Variants in ZNF282 observed in about 807,000 individuals in gnomAD.
The protein encoded by ZNF282 is HTLV-I U5 repressive element-binding protein 1.
In ZNF282, 30 loss-of-function variants were observed where a neutral mutation model predicts 61.9. The ratio of observed to expected loss-of-function variants is 0.48; its 90% CI spans 0.36 to 0.66. The LOEUF (loss-of-function observed/expected upper bound fraction) is 0.66. Among genes scored for constraint, ZNF282 ranks in the 30% least tolerant of loss-of-function variants. ZNF282 has a pLI of 0.00. For synonymous variants in ZNF282, 396 were observed against 405.0 expected, an observed-to-expected ratio of 0.98 and a Z score of 0.27; for missense variants, 788 against 941.4, an observed-to-expected ratio of 0.84 and a Z score of 2.13.
Position 149,224,515 on chromosome 7 carries a change from C to T in ZNF282, c.1884C>T (p.Arg628=). 1 of 1,611,610 alleles carries T rather than the reference C, an allele frequency of 6.2e-7. No homozygotes were observed. The highest frequency in any genetic ancestry group is 8.5e-7 in the Non-Finnish European group (1 of 1,179,572). The stretch of plus-strand genomic sequence containing the variant: ...ACCAGCGCATCCACACGGGCGAGCG[C>T]CCCTACACGTGCGGCGAGTGCGGCA... The part of the protein sequence containing the change: ...LKHQRIHTGE[R]PYTCGECGKS... The change falls in exon 8 of 8, where the codon CGC becomes CGT. Residue 628 remains arginine (R), a synonymous_variant. Transcript: ENST00000610704.
chr7:149,217,983 C>G (rs1031619538), intron 7 of ZNF282, among the ~76,000 whole-genome samples: 8 of 151,842 alleles, frequency 5.3e-5, no homozygotes, highest in African/African-American at 1.7e-4. Flanking sequence ...TGGCGGGCAC[C>G]TGTAATCCCA....
In ZNF282 at chr7:149,198,530, C is replaced by A. The variant is rs1413177136; in HGVS notation, c.363C>A (p.Asn121Lys). Reference sequence around the variant, plus strand: ...ATGCCCAGGCCAGCCAGCTGCTGAACCTGGAGGGGCGCACGGGGACAGCCG... The same window carrying A: ...ATGCCCAGGCCAGCCAGCTGCTGAAACTGGAGGGGCGCACGGGGACAGCCG... ...KVDAQASQLL[N>K]LEGRTGTAEK... The change falls in exon 2 of 8, where the codon AAC becomes AAA. Residue 121 changes from asparagine to lysine, a missense_variant. This residue lies in a region of ZNF282 where 92 missense variants were observed against 163.9 expected (regional missense o/e 0.56). Coordinates refer to ENST00000610704, the MANE Select transcript of ZNF282 (RefSeq NM_003575.4). The surrounding 1 kb of genome is among the most constrained non-coding windows in gnomAD (Gnocchi z 4.3). 4 of 1,614,076 alleles carry A rather than the reference C, an allele frequency of 2.5e-6. No homozygotes were observed. The highest frequency in any genetic ancestry group is 3.4e-6 in the Non-Finnish European group (4 of 1,180,048).
intron 7 of ZNF282, among the ~76,000 whole-genome samples, chr7:149,222,604 T>G (rs1272980552): frequency 6.6e-6 from 1 of 152,190 alleles, no homozygotes; most frequent in East Asian, 1.9e-4. Context: ...CTGGGCAACA[T>G]AGTGAGACCC....
At position 149,216,716 on chromosome 7, in the gene ZNF282, G is replaced by A. The variant is rs150604167; in HGVS notation, c.1180+2902G>A. Among the ~76,000 whole-genome samples, 387 of 152,278 alleles carry A rather than the reference G, an allele frequency of 2.5e-3. 2 individuals are homozygous for A. Among genetic ancestry groups the A allele is most frequent in the African/African-American group, 8.9e-3 (371 of 41,548 alleles). On this transcript the variant is annotated intron_variant, in intron 7 of 7. Transcript: ENST00000610704. ...AAGGGGATGGAGGGGAGAAGAGTCA[G>A]GGTAGAGAACACAGTGCAGACACGG...
chr7:149,202,867 C>G (rs1010823902), intron 2 of ZNF282, among the ~76,000 whole-genome samples: 1 of 152,080 alleles, frequency 6.6e-6, no homozygotes, highest in South Asian at 2.1e-4. Context: ...GGAATGGTAC[C>G]TGGCTTAGAC....
In ZNF282 at chr7:149,213,717, A is replaced by C. The variant is rs1796120144; in HGVS notation, c.1083A>C (p.Ala361=). 5 of 1,613,124 alleles carry C rather than the reference A, an allele frequency of 3.1e-6. No homozygotes were observed. The highest frequency in any genetic ancestry group is 4.2e-6 in the Non-Finnish European group (5 of 1,179,296). Residue 361 remains alanine (A), a synonymous_variant, in exon 7 of 8, where the codon GCA becomes GCC. Transcript: ENST00000610704. The part of the protein sequence containing the change: ...TDPNSESLIS[A]HDILSWIKQE... ...TGACAACAGAGTCTCTCATCTCAGCACATGACATTTTGTCATGGATCAAGC... is the reference window on the plus strand; with the variant it reads ...TGACAACAGAGTCTCTCATCTCAGCCCATGACATTTTGTCATGGATCAAGC...
chr7:149,195,687 C>G lies in ZNF282; in HGVS notation c.98C>G (p.Pro33Arg), dbSNP rs771113099. 2 of 1,576,708 alleles carry G rather than the reference C, an allele frequency of 1.3e-6. No individual in the cohort carries two copies. Among genetic ancestry groups the G allele is most frequent in the Non-Finnish European group, 1.7e-6 (2 of 1,163,330 alleles). The change falls in exon 1 of 8, where the codon CCG (proline) becomes CGG (arginine). Residue 33 changes from proline (P) to arginine (R), a missense_variant. Around this residue, in one of 3 missense-constraint regions of ZNF282, gnomAD observed 137 missense variants for 135.4 expected, o/e 1.01. Transcript: ENST00000610704. Reference protein sequence around the residue: ...GSWSWAQALPPEEVCHQEPAL... With the variant: ...GSWSWAQALPREEVCHQEPAL... ...TGGAGCTGGGCCCAGGCTCTGCCCCCGGAGGAGGTCTGCCACCAGGAGCCG... is the reference window on the plus strand; with the variant it reads ...TGGAGCTGGGCCCAGGCTCTGCCCCGGGAGGAGGTCTGCCACCAGGAGCCG...
At chr7:149,223,707 G>A in intron 7 of ZNF282, 105 bp from the exon 8 acceptor site, 1 of 1,225,156 alleles carries the variant, frequency 8.2e-7, no homozygotes, top group Non-Finnish European at 1.1e-6. Context: ...CGTAGTTAGT[G>A]GAACTGAGGC....
intron 4 of ZNF282, among the ~76,000 whole-genome samples, chr7:149,208,466 G>A (rs1161222184): frequency 6.6e-6 from 1 of 151,928 alleles, no homozygotes; most frequent in Non-Finnish European, 1.5e-5. Context: ...GCCTCCCAAA[G>A]TGCTAGGATT....
At chr7:149,212,228 A>T in intron 5 of ZNF282, 130 bp from the exon 6 acceptor site, 1 of 620,912 alleles carries the variant, frequency 1.6e-6, no homozygotes, top group East Asian at 3.0e-5. Flanking sequence ...AGTTAATGAG[A>T]CTTATGTAAT....
At chr7:149,223,163 G>A (rs1439449479) in intron 7 of ZNF282, among the ~76,000 whole-genome samples, 1 of 150,390 alleles carries the variant, frequency 6.6e-6, no homozygotes, top group African/African-American at 2.5e-5. Context: ...TAGTAGAGAC[G>A]GGGTTTTTCC....
chr7:149,221,225 T>A (rs1284343056), intron 7 of ZNF282, among the ~76,000 whole-genome samples: 1 of 152,216 alleles, frequency 6.6e-6, no homozygotes, highest in Non-Finnish European at 1.5e-5. Context: ...GGCCAGCTTG[T>A]GCAGTTTTTC....
chr7:149,206,597 C>G (rs115472367), intron 2 of ZNF282, 99 bp from the exon 3 acceptor site: 2 of 1,569,732 alleles, frequency 1.3e-6, no homozygotes, highest in African/African-American at 1.4e-5. Context: ...GAGCAAAGGC[C>G]GGGCTTTGGT....
rs961595855 is a variant in ZNF282, at chr7:149,225,050, T to C, written c.*403T>C. ...CTGAAAAAAAGCGAAGGCCGAGGGA[T>C]GTGCTAAGGGTAACACCTTCATGAT... is the stretch of plus-strand genomic sequence containing the variant. On this transcript the variant is annotated 3_prime_UTR_variant, in exon 8 of 8. Transcript: ENST00000610704. 4.2e-6 allele frequency: 1 copy of C among 238,684 alleles called. No homozygotes were observed. Among genetic ancestry groups the C allele is most frequent in the East Asian group, 9.1e-5 (1 of 10,992 alleles). The allele number at this position is 238,684 out of a possible 1,614,324, so 14.8% of individuals were successfully genotyped here.
chr7:149,223,802 A>G lies in ZNF282; in HGVS notation c.1181-10A>G, dbSNP rs115346898. On this transcript the variant is annotated splice_polypyrimidine_tract_variant and intron_variant, in intron 7 of 7. Coordinates refer to ENST00000610704, the MANE Select transcript of ZNF282 (RefSeq NM_003575.4). ...CCCTGTCAGCATGTCACTTCTTCCT[A>G]TCTCCCCAGGTGACAGCCTGCTGAT... 1,621 of 1,485,786 alleles carry G rather than the reference A, an allele frequency of 1.1e-3. 13 individuals are homozygous for G. In the African/African-American group the frequency reaches 0.02, roughly 18 times the overall value. 92.0% of individuals were successfully genotyped at this position (1,485,786 alleles called of 1,614,324 possible).
intron 7 of ZNF282, among the ~76,000 whole-genome samples, chr7:149,220,134 C>T (rs532304264): frequency 9.0e-4 from 137 of 152,084 alleles, no homozygotes; most frequent in African/African-American, 2.9e-3. Flanking sequence ...AGAAGCCGGG[C>T]ACGGTGGCTC....
Position 149,224,275 on chromosome 7 carries a change from C to A in ZNF282, c.1644C>A (p.Cys548Ter). The A allele has an allele frequency of 1.2e-6, 2 of 1,612,984 alleles. No homozygotes were observed. Among genetic ancestry groups the A allele is most frequent in the Non-Finnish European group, 1.7e-6 (2 of 1,179,882 alleles). The change falls in exon 8 of 8, where the codon TGC becomes TGA. Residue 548 changes from cysteine to a stop codon, truncating the protein, a stop_gained. Coordinates refer to ENST00000610704, the MANE Select transcript of ZNF282 (RefSeq NM_003575.4). LOFTEE classifies it high-confidence loss of function. ...RSHTKERPYE[C>*]AECEKSFNCH... ...ACACCAAGGAGCGGCCCTACGAGTG[C>A]GCTGAGTGCGAGAAGAGCTTCAACT...
chr7:149,210,963 G>T (rs1796075315), intron 5 of ZNF282, among the ~76,000 whole-genome samples: 1 of 152,200 alleles, frequency 6.6e-6, no homozygotes, highest in South Asian at 2.1e-4. Context: ...TTATCCGTTT[G>T]TAACTATTCC....
Position 149,198,446 on chromosome 7 carries a change from A to G in ZNF282, c.279A>G (p.Thr93=). Reference sequence around the variant, plus strand: ...TGATGCGAGAGCCCCAGTTGCCCACAGCAGAGATCTCACTCTGGACTGTGG... The same window carrying G: ...TGATGCGAGAGCCCCAGTTGCCCACGGCAGAGATCTCACTCTGGACTGTGG... ...DRMMREPQLP[T]AEISLWTVVA... The change falls in exon 2 of 8, where the codon ACA becomes ACG. Residue 93 remains threonine (T), a synonymous_variant. Transcript: ENST00000610704. This position sits in a 1 kb window ranked among gnomAD's most constrained non-coding sequence, Gnocchi z 4.3. The G allele has an allele frequency of 6.2e-7, 1 of 1,614,210 alleles. No homozygotes were observed. Among genetic ancestry groups the G allele is most frequent in the Non-Finnish European group, 8.5e-7 (1 of 1,180,040 alleles).
Sources: gnomAD v4.1 joint callset for allele counts (sites outside exome capture counted in the v4.1 genomes callset) on GRCh38, gnomAD v4.1.1 for gene constraint, gnomAD v4.1.1 regional missense constraint, Gnocchi (gnomAD v3.1) non-coding constraint, MANE v1.5 for transcripts, NCBI Gene and HGNC (gene_info 2026-07-23, HGNC 2026-07-21) for gene names.